PCSK5: variants seen among roughly 807,000 people sequenced by gnomAD.
PCSK5 encodes proprotein convertase subtilisin/kexin type 5.
PCSK5 carries 129 observed loss-of-function variants against 233.2 expected under a neutral mutation model. The observed-to-expected ratio is 0.55, with a 90% confidence interval of 0.48 to 0.64. PCSK5 has a LOEUF of 0.64. Ranked by LOEUF, PCSK5 falls within the 30% of genes least tolerant of loss-of-function variation. The probability of loss-of-function intolerance (pLI) is 0.00; values close to 1 mark genes in which losing one functional copy is unlikely to be tolerated. For synonymous variants in PCSK5, 825 were observed against 879.2 expected, an observed-to-expected ratio of 0.94 and a Z score of 1.09; for missense variants, 2,076 against 2,430.1, an observed-to-expected ratio of 0.85 and a Z score of 3.06.
chr9:76,045,426 C>G (rs1482014259), intron 5 of PCSK5, among the ~76,000 whole-genome samples: 1 of 152,174 alleles, frequency 6.6e-6, no homozygotes. Context: ...AAGCATTCCT[C>G]CTTTTAGATT....
intron 20 of PCSK5, among the ~76,000 whole-genome samples, chr9:76,220,322 T>C (rs1240315921): frequency 6.7e-6 from 1 of 149,564 alleles, no homozygotes; most frequent in Non-Finnish European, 1.5e-5. Context: ...AGGTCAGGAG[T>C]TCAAGACCAG....
intron 7 of PCSK5, 56 bp downstream of exon 7, chr9:76,071,954 T>G (rs1230713103): frequency 5.3e-6 from 8 of 1,503,022 alleles, no homozygotes; most frequent in African/African-American, 1.4e-5. Flanking sequence ...GATTCTCATA[T>G]GAAGAATCTA....
At chr9:76,079,115 A>G (rs1830742214) in intron 7 of PCSK5, among the ~76,000 whole-genome samples, 1 of 151,016 alleles carries the variant, frequency 6.6e-6, no homozygotes, top group Non-Finnish European at 1.5e-5. Flanking sequence ...TTTTTTTTTA[A>G]ATCGAGATGG....
intron 10 of PCSK5, among the ~76,000 whole-genome samples, chr9:76,135,052 T>C (rs1822913494): frequency 6.6e-6 from 1 of 152,032 alleles, no homozygotes; most frequent in Non-Finnish European, 1.5e-5. Flanking sequence ...TCATCATATA[T>C]CTGTATGGAT....
chr9:75,916,941 C>T (rs796471908), intron 1 of PCSK5, among the ~76,000 whole-genome samples: 5 of 151,994 alleles, frequency 3.3e-5, no homozygotes, highest in African/African-American at 7.2e-5. Context: ...GAGGCCAAGG[C>T]GGGTAGATCA....
chr9:76,310,723 TG>T lies in PCSK5; in HGVS notation c.3759del (p.Ser1254AlafsTer93). On this transcript the variant is annotated frameshift_variant, in exon 30 of 38. Coordinates refer to ENST00000674117, the MANE Select transcript of PCSK5 (RefSeq NM_001372043.1). LOFTEE classifies it high-confidence loss of function. ...AAGGCACATGGCCTTCCGTAAGGAG[TG>T]GGAGCTGCGAGAACTGTACGGAGGC... ...PQGTWPSVRSGSCENCTEACA... is the reference protein window; with the variant it reads ...PQGTWPSVRSXSCENCTEACA... 2 of 1,611,776 alleles carry T rather than the reference TG, an allele frequency of 1.2e-6. No homozygotes were observed. The highest frequency in any genetic ancestry group is 1.7e-6 in the Non-Finnish European group (2 of 1,179,372).
chr9:75,904,894 A>G (rs1457994520), intron 1 of PCSK5, among the ~76,000 whole-genome samples: 1 of 152,206 alleles, frequency 6.6e-6, no homozygotes, highest in Non-Finnish European at 1.5e-5. Context: ...AGCAGAAACA[A>G]TCCAACTGTC....
intron 12 of PCSK5, among the ~76,000 whole-genome samples, chr9:76,167,153 A>G (rs1328179095): frequency 2.6e-5 from 4 of 152,210 alleles, no homozygotes; most frequent in African/African-American, 9.7e-5. Flanking sequence ...ACTGTGAGCC[A>G]AAGTTGCCAG....
intron 1 of PCSK5, among the ~76,000 whole-genome samples, chr9:75,918,948 T>G (rs1368409463): frequency 6.6e-6 from 1 of 152,182 alleles, no homozygotes; most frequent in Non-Finnish European, 1.5e-5. Context: ...AGGGCTTTTC[T>G]CTGTAGAGTT....
At chr9:75,942,234 CT>C (rs1824343131) in intron 2 of PCSK5, among the ~76,000 whole-genome samples, 1 of 152,230 alleles carries the variant, frequency 6.6e-6, no homozygotes, top group African/African-American at 2.4e-5. Context: ...CAAGTCTCGA[CT>C]TTTACATATC....
intron 16 of PCSK5, 128 bp from the exon 17 acceptor site, chr9:76,184,545 T>C: frequency 1.8e-6 from 1 of 541,448 alleles, no homozygotes; most frequent in Non-Finnish European, 3.2e-6. Flanking sequence ...ATTCTGTGGC[T>C]TTTCCTGCAA....
chr9:75,890,848 C>T lies in PCSK5; in HGVS notation c.-334C>T. 4.1e-6 allele frequency: 1 copy of T among 244,612 alleles called. No homozygotes were observed. The highest frequency in any genetic ancestry group is 7.9e-6 in the Non-Finnish European group (1 of 127,354). The allele number at this position is 244,612 out of a possible 1,614,324, so 15.2% of individuals were successfully genotyped here. A position where few individuals can be genotyped will look rare whatever the true frequency, so the allele number is the denominator to read the frequency against. Reference sequence around the variant, plus strand: ...GAGGAGCGAGACCGAGTCGGAGAGTCCGGGAGCCAAGCCGGGCGAAACCCA... The same window carrying T: ...GAGGAGCGAGACCGAGTCGGAGAGTTCGGGAGCCAAGCCGGGCGAAACCCA... On this transcript the variant is annotated 5_prime_UTR_variant, in exon 1 of 38. Transcript: ENST00000674117.
At chr9:76,084,056 T>C (rs1439376312) in intron 7 of PCSK5, among the ~76,000 whole-genome samples, 1 of 152,192 alleles carries the variant, frequency 6.6e-6, no homozygotes, top group African/African-American at 2.4e-5. Context: ...TAATGAAAAT[T>C]GACTTTAACT....
intron 35 of PCSK5, among the ~76,000 whole-genome samples, chr9:76,347,579 G>T (rs1418059736): frequency 6.6e-6 from 1 of 152,028 alleles, no homozygotes; most frequent in Non-Finnish European, 1.5e-5. Flanking sequence ...ACAATTTATT[G>T]TTGGTCTTCT....
At chr9:75,982,540 T>G (rs1460261486) in intron 2 of PCSK5, among the ~76,000 whole-genome samples, 1 of 152,172 alleles carries the variant, frequency 6.6e-6, no homozygotes, top group Non-Finnish European at 1.5e-5. Context: ...TGCTTTTGTC[T>G]TAATATGCAT....
At chr9:75,991,946 ATTAG>A (rs1057139968) in intron 3 of PCSK5, among the ~76,000 whole-genome samples, 56 of 152,140 alleles carry the variant, frequency 3.7e-4, no homozygotes, top group African/African-American at 1.4e-3. Flanking sequence ...AAAAAAAAAA[ATTAG>A]TTAGGCTTGG....
chr9:76,187,581 T>C (rs746419380), intron 17 of PCSK5, among the ~76,000 whole-genome samples: 11 of 152,090 alleles, frequency 7.2e-5, no homozygotes, highest in African/African-American at 1.7e-4. Context: ...CAGGCTAGTC[T>C]CAAACTCCTG....
intron 5 of PCSK5, among the ~76,000 whole-genome samples, chr9:76,055,530 G>A (rs1050805564): frequency 2.6e-5 from 4 of 151,394 alleles, no homozygotes; most frequent in African/African-American, 4.9e-5. Flanking sequence ...TTTCCTTCTT[G>A]TAATTAAGTT....
At chr9:75,997,939 T>C (rs1827092520) in intron 3 of PCSK5, among the ~76,000 whole-genome samples, 2 of 152,208 alleles carry the variant, frequency 1.3e-5, no homozygotes, top group South Asian at 4.1e-4. Context: ...GTGAGTTGAA[T>C]TTGACCCTTA....
Sources: allele counts gnomAD v4.1 joint callset (sites outside exome capture counted in the v4.1 genomes callset), GRCh38; gene constraint gnomAD v4.1.1; transcripts MANE v1.5; gene names NCBI Gene and HGNC (gene_info 2026-07-23, HGNC 2026-07-21).